The following MAP4K3 variants were observed in gnomAD, a reference collection of about 807,000 sequenced individuals.
The protein encoded by MAP4K3 is MAPK/ERK kinase kinase kinase 3.
Under a neutral mutation model 143.5 loss-of-function variants are expected in MAP4K3, and 94 were observed. That is an observed-to-expected ratio of 0.65 (90% CI 0.55 to 0.78). The LOEUF is 0.78. Among genes scored for constraint, MAP4K3 ranks in the 30% least tolerant of loss-of-function variants. The pLI is 0.00. For missense variants in MAP4K3, 1,077 were observed against 1,068.1 expected, an observed-to-expected ratio of 1.01 and a Z score of -0.12; for synonymous variants, 416 against 347.2, an observed-to-expected ratio of 1.20 and a Z score of -2.20.
intron 2 of MAP4K3, among the ~76,000 whole-genome samples, chr2:39,358,133 A>C (rs1337462774): frequency 1.3e-5 from 2 of 152,214 alleles, no homozygotes; most frequent in African/African-American, 4.8e-5. Context: ...CATGACCAAT[A>C]AACTCTGTGT....
chr2:39,362,105 G>A (rs911534797), intron 2 of MAP4K3, among the ~76,000 whole-genome samples: 1 of 151,796 alleles, frequency 6.6e-6, no homozygotes, highest in Admixed American at 6.6e-5. Context: ...AAATTCACCT[G>A]AAAAAAATAA....
At chr2:39,365,250 C>A (rs890052407) in intron 2 of MAP4K3, among the ~76,000 whole-genome samples, 4 of 151,990 alleles carry the variant, frequency 2.6e-5, no homozygotes, top group African/African-American at 7.3e-5. Flanking sequence ...TAATGTTGGT[C>A]AGCTGAGCTT....
chr2:39,255,691 C>T (rs181445715), intron 31 of MAP4K3, among the ~76,000 whole-genome samples: 1 of 152,050 alleles, frequency 6.6e-6, no homozygotes, highest in Non-Finnish European at 1.5e-5. Flanking sequence ...TTATTTTTTA[C>T]TTTAAAAAAT....
intron 4 of MAP4K3, among the ~76,000 whole-genome samples, chr2:39,339,753 T>A (rs1306966450): frequency 2.6e-5 from 4 of 151,964 alleles, no homozygotes; most frequent in African/African-American, 9.7e-5. Flanking sequence ...CTTACTCAGG[T>A]TGAGCATTCA....
chr2:39,421,229 T>G (rs911701849), intron 1 of MAP4K3, among the ~76,000 whole-genome samples: 3 of 152,164 alleles, frequency 2.0e-5, no homozygotes, highest in African/African-American at 7.2e-5. Context: ...TGGAGACAGT[T>G]TCTCAAGACA....
chr2:39,299,271 T>C (rs1379969546), intron 16 of MAP4K3, among the ~76,000 whole-genome samples: 1 of 152,206 alleles, frequency 6.6e-6, no homozygotes, highest in East Asian at 1.9e-4. Context: ...ATTTACTGCA[T>C]AGATTGGTAA....
In MAP4K3 at chr2:39,325,786, T is replaced by C; in HGVS notation, c.751A>G (p.Lys251Glu). The change falls in exon 11 of 34, where the codon AAA becomes GAA. Residue 251 changes from lysine to glutamate, a missense_variant. By Grantham distance (56) the Lys-to-Glu change is moderately conservative. Around this residue, in one of 2 missense-constraint regions of MAP4K3, gnomAD observed 864 missense variants for 801.2 expected, o/e 1.08. Transcript: ENST00000263881. Reference protein sequence around the residue: ...KWSNSFHHFVKMALTKNPKKR... With the variant: ...KWSNSFHHFVEMALTKNPKKR... ...TTCGGATTTTTGGTAAGTGCCATTT[T>C]CACAAAGTGATGAAAACTATTTGAC... The C allele has an allele frequency of 6.2e-7, 1 of 1,609,560 alleles. No homozygotes were observed. The highest frequency in any genetic ancestry group is 1.1e-5 in the South Asian group (1 of 89,690).
At chr2:39,368,298 G>A (rs1665981394) in intron 2 of MAP4K3, among the ~76,000 whole-genome samples, 1 of 151,962 alleles carries the variant, frequency 6.6e-6, no homozygotes, top group African/African-American at 2.4e-5. Context: ...AGATTTTAAG[G>A]GAAGTGAAGA....
intron 28 of MAP4K3, among the ~76,000 whole-genome samples, chr2:39,263,081 G>A (rs994795804): frequency 1.3e-5 from 2 of 151,530 alleles, no homozygotes; most frequent in Non-Finnish European, 2.9e-5. Flanking sequence ...AACAGAACCA[G>A]ACTCCATCTC....
In MAP4K3 at chr2:39,288,183, G is replaced by T; in HGVS notation, c.1412C>A (p.Pro471Gln). ...RCPMSGSPAK[P>Q]SQVPPRPPPP... ...TGGTGGTCTAGGTGGAACTTGGGAT[G>T]GCTTTGCTGGGCTCCCTGACATGGG... is the stretch of plus-strand genomic sequence containing the variant. The change falls in exon 20 of 34, where the codon CCA (proline) becomes CAA (glutamine). Residue 471 changes from proline to glutamine, a missense_variant. Coordinates refer to ENST00000263881, the MANE Select transcript of MAP4K3 (RefSeq NM_003618.4). The T allele has an allele frequency of 6.2e-7, 1 of 1,614,104 alleles. No homozygotes were observed. Among genetic ancestry groups the T allele is most frequent in the African/African-American group, 1.3e-5 (1 of 75,016 alleles).
intron 3 of MAP4K3, among the ~76,000 whole-genome samples, chr2:39,353,236 G>A (rs2058863): frequency 0.71 from 107,422 of 152,084 alleles, 42,240 homozygotes; most frequent in Non-Finnish European, 0.87. Flanking sequence ...GCCCCTTACA[G>A]CTCTAACATC....
At chr2:39,297,534 C>T (rs879847072) in intron 16 of MAP4K3, among the ~76,000 whole-genome samples, 1 of 152,098 alleles carries the variant, frequency 6.6e-6, no homozygotes, top group East Asian at 1.9e-4. Context: ...AGTCAAAGTA[C>T]ATATGCTTCC....
At chr2:39,297,766 T>C (rs927023050) in intron 16 of MAP4K3, among the ~76,000 whole-genome samples, 1 of 152,208 alleles carries the variant, frequency 6.6e-6, no homozygotes, top group Non-Finnish European at 1.5e-5. Flanking sequence ...TGTATGTCTA[T>C]ACCTACACAC....
intron 1 of MAP4K3, among the ~76,000 whole-genome samples, chr2:39,383,479 T>C (rs1196165701): frequency 6.6e-6 from 1 of 151,946 alleles, no homozygotes; most frequent in Non-Finnish European, 1.5e-5. Flanking sequence ...AAGATGAAAT[T>C]TGGGTGGGGA....
intron 12 of MAP4K3, among the ~76,000 whole-genome samples, chr2:39,320,927 A>G (rs537465133): frequency 1.1e-4 from 16 of 152,352 alleles, no homozygotes; most frequent in Non-Finnish European, 2.2e-4. Context: ...CAAATCAAGA[A>G]CAAGACTCAA....
chr2:39,358,150 T>C (rs1045081576), intron 2 of MAP4K3, among the ~76,000 whole-genome samples: 1 of 152,222 alleles, frequency 6.6e-6, no homozygotes, highest in Non-Finnish European at 1.5e-5. Flanking sequence ...GTGTATTGTT[T>C]AAGCCACTTC....
rs1665488861 is a variant in MAP4K3 at position 39,352,501 on chromosome 2, A to G, written c.245+3748T>C. Among the ~76,000 whole-genome samples, 2 of 152,246 alleles carry G rather than the reference A, an allele frequency of 1.3e-5. 1 individual carries two copies. The highest frequency in any genetic ancestry group is 4.1e-4 in the South Asian group (2 of 4,830). On this transcript the variant is annotated intron_variant, in intron 3 of 33. Transcript: ENST00000263881. ...CAAAAGAATTGTAAAGAATAAGTCT[A>G]TAATGATTTAATTCTGTTGTTTTAT... is the stretch of plus-strand genomic sequence containing the variant.
intron 29 of MAP4K3, among the ~76,000 whole-genome samples, 195 bp downstream of exon 29, chr2:39,260,411 C>T (rs1680520019): frequency 1.3e-5 from 2 of 152,138 alleles, no homozygotes; most frequent in African/African-American, 4.8e-5. Context: ...CCACCATGCC[C>T]TGCCAGCCAA....
intron 1 of MAP4K3, among the ~76,000 whole-genome samples, chr2:39,423,014 T>A (rs559865011): frequency 6.6e-6 from 1 of 152,250 alleles, no homozygotes; most frequent in East Asian, 1.9e-4. Flanking sequence ...GAAAAAATAC[T>A]GCATAACATA....
Sources: gnomAD v4.1 joint callset for allele counts (sites outside exome capture counted in the v4.1 genomes callset) on GRCh38, gnomAD v4.1.1 for gene constraint, gnomAD v4.1.1 regional missense constraint, MANE v1.5 for transcripts, NCBI Gene and HGNC (gene_info 2026-07-23, HGNC 2026-07-21) for gene names.